Variants in SPPL3 observed in about 807,000 individuals in gnomAD.
SPPL3 encodes the protein signal peptide peptidase-like 3.
Under a neutral mutation model 42.4 loss-of-function variants are expected in SPPL3, and 5 were observed. That is an observed-to-expected ratio of 0.12 (90% CI 0.06 to 0.25). The LOEUF (loss-of-function observed/expected upper bound fraction) is 0.25, where lower values mean the gene tolerates loss of function less well. Among genes scored for constraint, SPPL3 ranks in the 10% least tolerant of loss-of-function variants. The pLI is 1.00. For synonymous variants in SPPL3, 195 were observed against 181.8 expected, an observed-to-expected ratio of 1.07 and a Z score of -0.58; for missense variants, 235 against 489.0, an observed-to-expected ratio of 0.48 and a Z score of 4.90.
intron 6 of SPPL3, 52 bp from the exon 7 acceptor site, chr12:120,769,111 C>A: frequency 7.1e-7 from 1 of 1,405,650 alleles, no homozygotes; most frequent in South Asian, 1.2e-5. Context: ...ACTCCAGGCT[C>A]ATCCTCTTTC....
intron 1 of SPPL3, among the ~76,000 whole-genome samples, chr12:120,852,879 C>CATATAGTATATACATATA (rs1872304156): frequency 1.1e-4 from 1 of 9,064 alleles, no homozygotes; most frequent in Non-Finnish European, 4.0e-4. Flanking sequence ...ATATACATAT[C>CATATAGTATATACATATA]ATATATATTT....
intron 1 of SPPL3, among the ~76,000 whole-genome samples, chr12:120,868,139 C>A (rs190203907): frequency 4.2e-4 from 64 of 152,178 alleles, no homozygotes; most frequent in Admixed American, 2.5e-3. Context: ...ACCTATAATC[C>A]CAGCCATTCA....
At chr12:120,768,869 A>G (rs1217804414) in intron 7 of SPPL3, 84 bp downstream of exon 7, 2 of 1,217,608 alleles carry the variant, frequency 1.6e-6, no homozygotes, top group Non-Finnish European at 2.3e-6. Context: ...CCGACTTTGG[A>G]TACTTCTAGT....
In SPPL3 at chr12:120,763,500, G is replaced by C. The variant is rs752140247; in HGVS notation, c.*1499C>G. On this transcript the variant is annotated 3_prime_UTR_variant, in exon 11 of 11. Transcript: ENST00000353487. ...GCCCTTCTCCAGCCTTTGTTGTCAG[G>C]CATCCTCATGCCAACCGCAGGCTTC... The C allele has an allele frequency of 6.5e-6, 1 of 152,812 alleles. No individual in the cohort carries two copies. Among genetic ancestry groups the C allele is most frequent in the East Asian group, 1.9e-4 (1 of 5,202 alleles). The allele number at this position is 152,812 out of a possible 1,614,324, so 9.5% of individuals were successfully genotyped here.
chr12:120,807,674 CAAAA>C (rs10706063), intron 2 of SPPL3, among the ~76,000 whole-genome samples: 1 of 126,458 alleles, frequency 7.9e-6, no homozygotes. Flanking sequence ...AACTCCGACT[CAAAA>C]AAAAAAAAAG....
intron 1 of SPPL3, among the ~76,000 whole-genome samples, chr12:120,836,631 GCAAA>G (rs1871630464): frequency 6.6e-6 from 1 of 152,180 alleles, no homozygotes; most frequent in Non-Finnish European, 1.5e-5. Flanking sequence ...CTTTAAAATG[GCAAA>G]CAGATTAGTG....
rs1316941992 is a variant in SPPL3 at position 120,764,139 on chromosome 12, A to G, written c.*860T>C. 6.6e-6 allele frequency: 1 copy of G among 152,498 alleles called. No homozygotes were observed. The highest frequency in any genetic ancestry group is 1.9e-4 in the East Asian group (1 of 5,194). 9.4% of individuals were successfully genotyped at this position (152,498 alleles called of 1,614,324 possible). ...TCTATCATCAATCAGCACAAATGCT[A>G]TACTAGTTTGTAACTGCGGGGTCAG... On this transcript the variant is annotated 3_prime_UTR_variant, in exon 11 of 11. Coordinates refer to ENST00000353487, the MANE Select transcript of SPPL3 (RefSeq NM_139015.5).
intron 1 of SPPL3, among the ~76,000 whole-genome samples, chr12:120,856,824 A>G (rs1872475848): frequency 6.6e-6 from 1 of 152,132 alleles, no homozygotes; most frequent in Non-Finnish European, 1.5e-5. Context: ...GCAACAGGGT[A>G]TTTGATGAAT....
At chr12:120,783,551 T>C in intron 5 of SPPL3, 123 bp downstream of exon 5, 1 of 843,492 alleles carries the variant, frequency 1.2e-6, no homozygotes, top group South Asian at 2.1e-5. Context: ...TGTCACTTCC[T>C]GGTCTTTTGG....
At chr12:120,819,536 C>T (rs912132166) in intron 1 of SPPL3, among the ~76,000 whole-genome samples, 1 of 152,080 alleles carries the variant, frequency 6.6e-6, no homozygotes, top group African/African-American at 2.4e-5. Flanking sequence ...TCACTTGATT[C>T]GTTTTTGAGA....
At chr12:120,893,944 T>C (rs916211079) in intron 1 of SPPL3, among the ~76,000 whole-genome samples, 1 of 152,226 alleles carries the variant, frequency 6.6e-6, no homozygotes, top group African/African-American at 2.4e-5. Context: ...TCTAGAAACA[T>C]TTGCACTAAT....
At chr12:120,806,853 A>AAAAAAG (rs1555249183) in intron 2 of SPPL3, among the ~76,000 whole-genome samples, 1 of 146,132 alleles carries the variant, frequency 6.8e-6, no homozygotes, top group African/African-American at 2.5e-5. Context: ...TTAAAAAAAA[A>AAAAAAG]AAAGAAAGAA....
chr12:120,849,858 T>A (rs1872166236), intron 1 of SPPL3, among the ~76,000 whole-genome samples: 1 of 152,174 alleles, frequency 6.6e-6, no homozygotes, highest in South Asian at 2.1e-4. Context: ...GCTGCTGCTT[T>A]ATAAAGACAT....
At chr12:120,878,684 A>C (rs1873185692) in intron 1 of SPPL3, among the ~76,000 whole-genome samples, 1 of 152,246 alleles carries the variant, frequency 6.6e-6, no homozygotes, top group Admixed American at 6.5e-5. Context: ...CTCAAAGCCC[A>C]TATGTAAGAA....
intron 1 of SPPL3, among the ~76,000 whole-genome samples, chr12:120,869,111 C>T (rs773734446): frequency 6.6e-6 from 1 of 152,122 alleles, no homozygotes; most frequent in South Asian, 2.1e-4. Context: ...TATTAAAACT[C>T]GAGCACCAAT....
intron 3 of SPPL3, among the ~76,000 whole-genome samples, chr12:120,786,650 A>AT (rs879662919): frequency 6.2e-4 from 91 of 147,278 alleles, no homozygotes; most frequent in East Asian, 2.4e-3. Flanking sequence ...GAATGCACAG[A>AT]TTTTTTTTTT....
At chr12:120,772,948 A>C (rs1157272221) in intron 6 of SPPL3, among the ~76,000 whole-genome samples, 1 of 152,230 alleles carries the variant, frequency 6.6e-6, no homozygotes, top group African/African-American at 2.4e-5. Flanking sequence ...AATCATATAG[A>C]ATGTTTATTA....
chr12:120,890,279 T>G (rs35905305), intron 1 of SPPL3, among the ~76,000 whole-genome samples: 62,411 of 150,756 alleles, frequency 0.41, 14,431 homozygotes, highest in Middle Eastern at 0.58. Context: ...TTTTACTTTT[T>G]CAGGGTATTT....
chr12:120,810,832 A>G lies in SPPL3; in HGVS notation c.78T>C (p.Leu26=). 6.2e-7 allele frequency: 1 copy of G among 1,612,814 alleles called. No individual in the cohort carries two copies. The highest frequency in any genetic ancestry group is 1.1e-5 in the South Asian group (1 of 91,048). The change falls in exon 2 of 11, where the codon CTT becomes CTC. Residue 26 remains leucine, a synonymous_variant. Coordinates refer to ENST00000353487, the MANE Select transcript of SPPL3 (RefSeq NM_139015.5). ...SQVSTFLISI[L]LIVYGSFRSL... is the part of the protein sequence containing the mutation. ...ACCTGAAACTACCATAGACTATAAG[A>G]AGAATGGAAATCAGAAATGTAGACA...
Sources: gnomAD v4.1 joint callset for allele counts (sites outside exome capture counted in the v4.1 genomes callset) on GRCh38, gnomAD v4.1.1 for gene constraint, MANE v1.5 for transcripts, NCBI Gene and HGNC (gene_info 2026-07-23, HGNC 2026-07-21) for gene names.